AP3M2: variants seen among roughly 807,000 people sequenced by gnomAD.
The protein encoded by AP3M2 is AP-3 complex subunit mu-2.
Under a neutral mutation model 41.6 loss-of-function variants are expected in AP3M2, and 28 were observed. That is an observed-to-expected ratio of 0.67 (90% CI 0.50 to 0.92). The LOEUF (loss-of-function observed/expected upper bound fraction) is 0.92, where lower values mean the gene tolerates loss of function less well. Ranked by LOEUF, AP3M2 falls within the 40% of genes least tolerant of loss-of-function variation. The probability of loss-of-function intolerance (pLI) is 0.00; values close to 1 mark genes in which losing one functional copy is unlikely to be tolerated. For missense variants in AP3M2, 427 were observed against 521.4 expected, an observed-to-expected ratio of 0.82 and a Z score of 1.76; for synonymous variants, 193 against 186.4, an observed-to-expected ratio of 1.04 and a Z score of -0.29.
chr8:42,167,678 G>A lies in AP3M2; in HGVS notation c.1024G>A (p.Asp342Asn). The A allele has an allele frequency of 6.2e-7, 1 of 1,610,334 alleles. No homozygotes were observed. The highest frequency in any genetic ancestry group is 8.5e-7 in the Non-Finnish European group (1 of 1,179,060). The change falls in exon 8 of 9, where the codon GAT (aspartate) becomes AAT (asparagine). Residue 342 changes from aspartate to asparagine, a missense_variant. Physicochemically the swap from Asp to Asn is conservative, Grantham distance 23. Coordinates refer to ENST00000396926, the MANE Select transcript of AP3M2 (RefSeq NM_006803.4). The part of the protein sequence containing the change: ...FDPVTKMLSW[D>N]VGKINPQKLP... ...ATTTTCTTTGAAGATGCTGTCTTGG[G>A]ATGTAGGAAAAATAAATCCACAAAA...
At position 42,162,337 on chromosome 8, in the gene AP3M2, C is replaced by A. The variant is rs759612966; in HGVS notation, c.502C>A (p.Arg168=). ...TGGGCAGCTGTCAGTGGTGCCTTGG[C>A]GACGGACTGGGGTGAAATATACCAA... ...PTGQLSVVPW[R]RTGVKYTNNE... is the part of the protein sequence containing the mutation. Residue 168 remains arginine (R), a synonymous_variant, in exon 4 of 9, where the codon CGA becomes AGA. Transcript: ENST00000396926. The A allele has an allele frequency of 1.2e-6, 2 of 1,613,392 alleles. No individual in the cohort carries two copies. Among genetic ancestry groups the A allele is most frequent in the African/African-American group, 2.7e-5 (2 of 74,842 alleles).
At chr8:42,165,366 C>G in intron 5 of AP3M2, 61 bp from the exon 6 acceptor site, 1 of 1,587,758 alleles carries the variant, frequency 6.3e-7, no homozygotes, top group Non-Finnish European at 8.6e-7. Context: ...AAATTGCTTT[C>G]CTGAAAGCAC....
chr8:42,167,736 A>G lies in AP3M2; in HGVS notation c.1082A>G (p.Gln361Arg). 6.2e-7 allele frequency: 1 copy of G among 1,614,200 alleles called. No individual in the cohort carries two copies. The highest frequency in any genetic ancestry group is 1.1e-5 in the South Asian group (1 of 91,074). ...LPSLKGTMSL[Q>R]AGASKPDENP... Reference sequence around the variant, plus strand: ...AGTTTGAAGGGGACCATGAGTCTTCAGGCTGGAGCTTCCAAACCAGATGAA... The same window carrying G: ...AGTTTGAAGGGGACCATGAGTCTTCGGGCTGGAGCTTCCAAACCAGATGAA... The change falls in exon 8 of 9, where the codon CAG becomes CGG. Residue 361 changes from glutamine (Q) to arginine (R), a missense_variant. Around this residue, in one of 3 missense-constraint regions of AP3M2, gnomAD observed 237 missense variants for 284.9 expected, o/e 0.83. Coordinates refer to ENST00000396926, the MANE Select transcript of AP3M2 (RefSeq NM_006803.4).
intron 8 of AP3M2, 132 bp downstream of exon 8, chr8:42,167,942 T>C (rs1052368188): frequency 3.4e-6 from 4 of 1,170,690 alleles, no homozygotes; most frequent in Admixed American, 2.4e-5. Context: ...AAACAATCTT[T>C]AGTAACATCT....
At chr8:42,153,389 C>T (rs1331272121) in intron 1 of AP3M2, 1 of 152,246 alleles carries the variant, frequency 6.6e-6, no homozygotes, top group African/African-American at 2.4e-5. Flanking sequence ...CAGCCAGGCC[C>T]CTGCCCGCCT....
At chr8:42,158,263 T>G in intron 3 of AP3M2, 151 bp downstream of exon 3, 1 of 822,804 alleles carries the variant, frequency 1.2e-6, no homozygotes, top group Non-Finnish European at 1.8e-6. Flanking sequence ...TTTTTTTTTT[T>G]TTTGAGACAG....
intron 2 of AP3M2, among the ~76,000 whole-genome samples, chr8:42,157,661 G>A (rs533816468): frequency 1.6e-4 from 24 of 152,250 alleles, no homozygotes; most frequent in African/African-American, 5.8e-4. Context: ...TTTGTATTCT[G>A]TGTATTTTAT....
At chr8:42,164,800 T>C (rs995728908) in intron 4 of AP3M2, among the ~76,000 whole-genome samples, 4 of 152,252 alleles carry the variant, frequency 2.6e-5, no homozygotes, top group Non-Finnish European at 4.4e-5. Flanking sequence ...TTTAGGCTAA[T>C]AACTACTTCA....
At chr8:42,167,641 T>C in intron 7 of AP3M2, 25 bp from the exon 8 acceptor site, 2 of 1,596,150 alleles carry the variant, frequency 1.3e-6, no homozygotes, top group Admixed American at 1.8e-5. Flanking sequence ...GAAAGACCAC[T>C]TCTCCATTTT....
intron 1 of AP3M2, chr8:42,153,727 G>C (rs1160591794): frequency 6.6e-6 from 1 of 151,796 alleles, no homozygotes; most frequent in Non-Finnish European, 1.5e-5. Flanking sequence ...TCTCGAACTC[G>C]TGAGCTCCAG....
intron 5 of AP3M2, 115 bp downstream of exon 5, chr8:42,165,271 C>G: frequency 7.0e-7 from 1 of 1,435,622 alleles, no homozygotes; most frequent in Non-Finnish European, 9.6e-7. Flanking sequence ...AGCCACGAAG[C>G]TTGTCTCAGG....
intron 3 of AP3M2, chr8:42,162,078 GA>G: frequency 2.3e-6 from 1 of 430,028 alleles, no homozygotes; most frequent in Non-Finnish European, 4.0e-6. Context: ...TATTCTGTTT[GA>G]AAAGGCAGAC....
chr8:42,168,783 C>CT (rs541666555), intron 8 of AP3M2, among the ~76,000 whole-genome samples, 178 bp from the exon 9 acceptor site: 9 of 152,206 alleles, frequency 5.9e-5, no homozygotes, highest in South Asian at 2.1e-4. Context: ...CTGTTGGAGC[C>CT]TTTTTTTGCT....
chr8:42,166,920 T>C (rs1804653725), intron 6 of AP3M2: 1 of 505,566 alleles, frequency 2.0e-6, no homozygotes. Flanking sequence ...AGTAGTGTAC[T>C]TTTTGATTTT....
At chr8:42,162,907 C>G (rs1370010232) in intron 4 of AP3M2, among the ~76,000 whole-genome samples, 2 of 132,072 alleles carry the variant, frequency 1.5e-5, no homozygotes, top group African/African-American at 5.9e-5. Flanking sequence ...GATCATGACA[C>G]TGCACTCCAG....
chr8:42,168,782 C>A (rs1804707785), intron 8 of AP3M2, among the ~76,000 whole-genome samples, 179 bp from the exon 9 acceptor site: 1 of 152,180 alleles, frequency 6.6e-6, no homozygotes, highest in Non-Finnish European at 1.5e-5. Flanking sequence ...TCTGTTGGAG[C>A]CTTTTTTTGC....
chr8:42,160,593 TA>T (rs1329016645), intron 3 of AP3M2, among the ~76,000 whole-genome samples: 1 of 152,262 alleles, frequency 6.6e-6, no homozygotes, highest in African/African-American at 2.4e-5. Context: ...AGATCTTTTT[TA>T]AAAGTCTAGT....
chr8:42,167,521 G>T (rs1044758787), intron 7 of AP3M2, 145 bp from the exon 8 acceptor site: 7 of 1,361,582 alleles, frequency 5.1e-6, no homozygotes, highest in Non-Finnish European at 7.0e-6. Context: ...GTAACACGTA[G>T]GATTCTCAAT....
At chr8:42,155,989 C>A in intron 2 of AP3M2, 1 of 456,222 alleles carries the variant, frequency 2.2e-6, no homozygotes, top group South Asian at 1.5e-5. Flanking sequence ...TACTACTGTT[C>A]TGGAATTTCA....
Sources: gnomAD v4.1 joint callset for allele counts (sites outside exome capture counted in the v4.1 genomes callset) on GRCh38, gnomAD v4.1.1 for gene constraint, gnomAD v4.1.1 regional missense constraint, MANE v1.5 for transcripts, NCBI Gene and HGNC (gene_info 2026-07-23, HGNC 2026-07-21) for gene names.